Variants in LRP1B observed in about 807,000 individuals in gnomAD.
LRP1B encodes the protein low-density lipoprotein receptor-related protein 1B.
In LRP1B, 217 loss-of-function variants were observed where a neutral mutation model predicts 556.6. The ratio of observed to expected loss-of-function variants is 0.39; its 90% CI spans 0.35 to 0.44. LRP1B has a LOEUF of 0.44. LRP1B is among the 20% of genes least tolerant of loss of function. LRP1B has a pLI of 1.00. For synonymous variants in LRP1B, 2,047 were observed against 1,865.8 expected, an observed-to-expected ratio of 1.10 and a Z score of -2.50; for missense variants, 5,053 against 5,620.8, an observed-to-expected ratio of 0.90 and a Z score of 3.23.
rs73964705 is a variant in LRP1B at position 140,835,054 on chromosome 2, G to T, written c.5209+4937C>A. 7.8e-3 allele frequency among the ~76,000 whole-genome samples: 1,182 copies of T among 152,174 alleles called. 17 individuals carry two copies. Among genetic ancestry groups the T allele is most frequent in the African/African-American group, 0.027 (1,132 of 41,516 alleles). ...ATTCTGCTAATAACTTTTCTCAATG[G>T]TTTTGAAATGTATGTGAAGGAAATG... On this transcript the variant is annotated intron_variant, in intron 31 of 90. Coordinates refer to ENST00000389484, the MANE Select transcript of LRP1B (RefSeq NM_018557.3).
intron 60 of LRP1B, among the ~76,000 whole-genome samples, chr2:140,470,644 CAAAAAAA>C (rs35981828): frequency 1.4e-4 from 8 of 58,558 alleles, no homozygotes; most frequent in African/African-American, 5.9e-4. Flanking sequence ...GACTCTGTCT[CAAAAAAA>C]AAAAAAAAAA....
At chr2:141,217,137 T>A (rs571144263) in intron 6 of LRP1B, among the ~76,000 whole-genome samples, 3 of 152,228 alleles carry the variant, frequency 2.0e-5, no homozygotes, top group Admixed American at 2.0e-4. Context: ...ATCTCCAACG[T>A]TGGAGGTGGG....
chr2:140,498,848 T>C (rs913742745), intron 55 of LRP1B, among the ~76,000 whole-genome samples: 1 of 151,898 alleles, frequency 6.6e-6, no homozygotes, highest in Non-Finnish European at 1.5e-5. Context: ...AAATATTTGG[T>C]CTGAACCTTT....
At chr2:141,468,996 C>T (rs1327875991) in intron 3 of LRP1B, among the ~76,000 whole-genome samples, 1 of 151,938 alleles carries the variant, frequency 6.6e-6, no homozygotes, top group Non-Finnish European at 1.5e-5. Flanking sequence ...TGGACCGGTT[C>T]TACAATCCCT....
intron 49 of LRP1B, among the ~76,000 whole-genome samples, chr2:140,523,272 A>C (rs12692058): frequency 1.3e-5 from 2 of 152,086 alleles, no homozygotes; most frequent in South Asian, 4.1e-4. Context: ...TCACTACATA[A>C]ACAGAATTAA....
intron 5 of LRP1B, among the ~76,000 whole-genome samples, chr2:141,230,341 T>C (rs531454683): frequency 5.7e-4 from 87 of 152,334 alleles, no homozygotes; most frequent in African/African-American, 1.1e-3. Context: ...TTCTCAGTAA[T>C]GACTGCTACT....
chr2:141,362,020 A>C (rs1688842906), intron 3 of LRP1B, among the ~76,000 whole-genome samples: 1 of 152,192 alleles, frequency 6.6e-6, no homozygotes, highest in Admixed American at 6.5e-5. Context: ...AATATATTAC[A>C]AGGAATATTT....
intron 43 of LRP1B, 53 bp from the exon 44 acceptor site, chr2:140,542,024 C>A: frequency 2.6e-6 from 3 of 1,159,822 alleles, no homozygotes; most frequent in South Asian, 4.2e-5. Flanking sequence ...GACATTTATA[C>A]GTCCACACCT....
At chr2:141,773,926 G>A (rs567805188) in intron 2 of LRP1B, among the ~76,000 whole-genome samples, 2 of 152,230 alleles carry the variant, frequency 1.3e-5, no homozygotes, top group African/African-American at 2.4e-5. Context: ...AAATAAAAAC[G>A]CAGGTATCAG....
At chr2:140,295,525 C>T (rs986576697) in intron 84 of LRP1B, among the ~76,000 whole-genome samples, 1 of 152,120 alleles carries the variant, frequency 6.6e-6, no homozygotes, top group Non-Finnish European at 1.5e-5. Context: ...TGACCAAAGA[C>T]CTAGGCTACT....
At chr2:141,210,496 A>G (rs1345449226) in intron 6 of LRP1B, among the ~76,000 whole-genome samples, 3 of 152,164 alleles carry the variant, frequency 2.0e-5, no homozygotes, top group African/African-American at 7.2e-5. Flanking sequence ...TTCATAATTA[A>G]ACATTATGGG....
chr2:141,926,454 T>G (rs900673687), intron 1 of LRP1B, among the ~76,000 whole-genome samples: 2 of 152,158 alleles, frequency 1.3e-5, no homozygotes. Flanking sequence ...CTACTTACAA[T>G]ATTCCAGATC....
intron 31 of LRP1B, among the ~76,000 whole-genome samples, chr2:140,834,963 T>C (rs1040729508): frequency 2.6e-5 from 4 of 152,190 alleles, no homozygotes; most frequent in Non-Finnish European, 5.9e-5. Context: ...GAGCAACGTA[T>C]ATTAATATTT....
chr2:140,497,225 C>T (rs1688982628), intron 55 of LRP1B, among the ~76,000 whole-genome samples: 1 of 151,792 alleles, frequency 6.6e-6, no homozygotes, highest in Non-Finnish European at 1.5e-5. Flanking sequence ...TCTAATAATG[C>T]TCAGAAATTA....
intron 3 of LRP1B, among the ~76,000 whole-genome samples, chr2:141,263,360 A>G (rs1324589598): frequency 1.3e-5 from 2 of 152,128 alleles, no homozygotes; most frequent in Non-Finnish European, 2.9e-5. Context: ...GATTTAAAGG[A>G]TAATAAAAGA....
intron 1 of LRP1B, among the ~76,000 whole-genome samples, chr2:141,868,900 A>T (rs775997037): frequency 1.3e-5 from 2 of 152,170 alleles, no homozygotes; most frequent in African/African-American, 4.8e-5. Context: ...TGACTGACAT[A>T]AAACTTTTAC....
At chr2:140,402,966 G>A (rs1419100757) in intron 66 of LRP1B, among the ~76,000 whole-genome samples, 1 of 152,150 alleles carries the variant, frequency 6.6e-6, no homozygotes, top group African/African-American at 2.4e-5. Flanking sequence ...CACACATCAA[G>A]TACATTGCTA....
In LRP1B at chr2:140,492,620, T is replaced by C. The variant is rs752936581; in HGVS notation, c.9108A>G (p.Thr3036=). The C allele has an allele frequency of 6.8e-6, 11 of 1,612,856 alleles. No homozygotes were observed. The highest frequency in any genetic ancestry group is 9.3e-6 in the Non-Finnish European group (11 of 1,178,904). ...RKISTDGSNY[T]LLKQGLNNVI... The stretch of plus-strand genomic sequence containing the variant: ...GGGAGTGTCATACCTGTTTTAAAAG[T>C]GTGTAGTTGGAGCCATCAGTGCTAA... Residue 3036 remains threonine (T), a synonymous_variant, in exon 57 of 91, where the codon ACA becomes ACG. Coordinates refer to ENST00000389484, the MANE Select transcript of LRP1B (RefSeq NM_018557.3).
At chr2:141,909,354 A>G (rs148369179) in intron 1 of LRP1B, among the ~76,000 whole-genome samples, 77 of 152,038 alleles carry the variant, frequency 5.1e-4, no homozygotes, top group Non-Finnish European at 8.5e-4. Context: ...AAATAATGAA[A>G]TTTTTATTTA....
Sources: gnomAD v4.1 joint callset for allele counts (sites outside exome capture counted in the v4.1 genomes callset) on GRCh38, gnomAD v4.1.1 for gene constraint, MANE v1.5 for transcripts, NCBI Gene and HGNC (gene_info 2026-07-23, HGNC 2026-07-21) for gene names.